PCDHA8: variants seen among roughly 807,000 people sequenced by gnomAD.
The protein encoded by PCDHA8 is protocadherin alpha-8.
PCDHA8 carries 53 observed loss-of-function variants against 61.8 expected under a neutral mutation model. That is an observed-to-expected ratio of 0.86 (90% CI 0.69 to 1.08). The LOEUF is 1.08. Ranked by LOEUF, PCDHA8 falls within the 50% of genes least tolerant of loss-of-function variation. PCDHA8 has a pLI of 0.00. For synonymous variants in PCDHA8, 618 were observed against 556.6 expected, an observed-to-expected ratio of 1.11 and a Z score of -1.55; for missense variants, 1,293 against 1,245.0, an observed-to-expected ratio of 1.04 and a Z score of -0.58.
intron 1 of PCDHA8, chr5:140,875,547 G>C (rs558501431): frequency 1.2e-6 from 2 of 1,614,152 alleles, no homozygotes; most frequent in Admixed American, 1.7e-5. Context: ...CAGCCTGGGA[G>C]GTGGGGAGCG....
At chr5:140,875,049 T>C (rs2055250146) in intron 1 of PCDHA8, among the ~76,000 whole-genome samples, 1 of 152,252 alleles carries the variant, frequency 6.6e-6, no homozygotes, top group Non-Finnish European at 1.5e-5. Context: ...ATTTCTACTT[T>C]GAAGCAGAAA....
intron 3 of PCDHA8, among the ~76,000 whole-genome samples, chr5:140,984,759 T>C (rs2097119018): frequency 6.6e-6 from 1 of 152,184 alleles, no homozygotes; most frequent in Non-Finnish European, 1.5e-5. Context: ...AGTTGAATTC[T>C]AATCCCAAGC....
At chr5:140,885,737 A>G (rs1347685899) in intron 1 of PCDHA8, among the ~76,000 whole-genome samples, 1 of 152,222 alleles carries the variant, frequency 6.6e-6, no homozygotes, top group South Asian at 2.1e-4. Context: ...ATGATATTTC[A>G]CTGTTACTTT....
rs551606343 is a variant in PCDHA8 at position 140,977,430 on chromosome 5, G to A, written c.2395-1519G>A. Among the ~76,000 whole-genome samples, 14 of 152,252 alleles carry A rather than the reference G, an allele frequency of 9.2e-5. No homozygotes were observed. The South Asian group carries it at 2.5e-3, about 27-fold the overall frequency. The stretch of plus-strand genomic sequence containing the variant: ...ATTTTCTTTTGTTCCCTCTAACACC[G>A]CTAGTAGATAATGGAAACTCCTTTG... On this transcript the variant is annotated intron_variant, in intron 1 of 3. Coordinates refer to ENST00000531613, the MANE Select transcript of PCDHA8 (RefSeq NM_018911.3).
intron 3 of PCDHA8, among the ~76,000 whole-genome samples, chr5:141,001,096 A>T (rs919555319): frequency 1.3e-5 from 2 of 152,130 alleles, no homozygotes; most frequent in Admixed American, 1.3e-4. Flanking sequence ...AAACTGTCTA[A>T]TCCATAATAA....
chr5:140,875,917 G>A, intron 1 of PCDHA8: 1 of 1,614,146 alleles, frequency 6.2e-7, no homozygotes, highest in Non-Finnish European at 8.5e-7. Flanking sequence ...TGCGCCTCTG[G>A]ACTCTCATTT....
intron 1 of PCDHA8, chr5:140,928,716 C>T (rs555492959): frequency 3.1e-6 from 5 of 1,614,178 alleles, no homozygotes; most frequent in East Asian, 4.5e-5. Flanking sequence ...ACTCTAGTCT[C>T]TTTAGAATTT....
In PCDHA8 at chr5:140,928,306, C is replaced by T. The variant is rs782598364; in HGVS notation, c.2395-50643C>T. 7.6e-5 allele frequency: 122 copies of T among 1,613,984 alleles called. No individual in the cohort carries two copies. The highest frequency in any genetic ancestry group is 1.8e-4 in the Admixed American group (11 of 60,002). ...TCTAGGCCGAGTGTTTGCCCAGGAC[C>T]CCGACCTGGGGAAGAATGGCCTTGT... is the stretch of plus-strand genomic sequence containing the variant. On this transcript the variant is annotated intron_variant, in intron 1 of 3. Coordinates refer to ENST00000531613, the MANE Select transcript of PCDHA8 (RefSeq NM_018911.3).
chr5:140,966,613 A>T, intron 1 of PCDHA8: 1 of 756,596 alleles, frequency 1.3e-6, no homozygotes, highest in Non-Finnish European at 1.9e-6. Flanking sequence ...GGGAGGGCCT[A>T]CGGAGGGAGC....
intron 1 of PCDHA8, chr5:140,969,405 C>T (rs781817372): frequency 6.3e-7 from 1 of 1,577,066 alleles, no homozygotes; most frequent in Non-Finnish European, 8.6e-7. Flanking sequence ...TGTGATTTGG[C>T]TTTATTGAGT....
At chr5:140,913,205 C>G (rs2076252546) in intron 1 of PCDHA8, among the ~76,000 whole-genome samples, 1 of 152,176 alleles carries the variant, frequency 6.6e-6, no homozygotes, top group South Asian at 2.1e-4. Context: ...GCAGTGAAGC[C>G]AATGGGTCCC....
At chr5:140,866,412 A>C (rs1308561363) in intron 1 of PCDHA8, 1 of 152,116 alleles carries the variant, frequency 6.6e-6, no homozygotes, top group Non-Finnish European at 1.5e-5. Context: ...AAAATCTTCA[A>C]ATGTGTGTAG....
chr5:140,857,032 T>C, intron 1 of PCDHA8: 2 of 1,595,838 alleles, frequency 1.3e-6, no homozygotes, highest in Non-Finnish European at 1.7e-6. Context: ...GAAACCCACC[T>C]ATGGTTGGTC....
intron 1 of PCDHA8, among the ~76,000 whole-genome samples, chr5:140,969,831 G>A (rs559083785): frequency 3.9e-4 from 60 of 152,296 alleles, no homozygotes; most frequent in African/African-American, 1.4e-3. Context: ...TGTCTACAGT[G>A]GAAATTATCT....
rs375261398 is a variant in PCDHA8 at position 140,910,786 on chromosome 5, A to G, written c.2394+67071A>G. On this transcript the variant is annotated intron_variant, in intron 1 of 3. Transcript: ENST00000531613. ...TAAACTCCCCAAGCTGCAACATTAA[A>G]TGCAGAATCCCTGCTTAGTGGGCCC... is the stretch of plus-strand genomic sequence containing the variant. 2.6e-3 allele frequency among the ~76,000 whole-genome samples: 391 copies of G among 152,326 alleles called. 2 individuals are homozygous for G. Among genetic ancestry groups the G allele is most frequent in the African/African-American group, 9.1e-3 (380 of 41,560 alleles).
intron 1 of PCDHA8, among the ~76,000 whole-genome samples, chr5:140,918,920 G>A (rs1470075085): frequency 6.6e-6 from 1 of 152,204 alleles, no homozygotes; most frequent in Non-Finnish European, 1.5e-5. Context: ...TAACTACACA[G>A]CATATGGCAT....
chr5:140,843,301 C>A lies in PCDHA8; in HGVS notation c.1980C>A (p.Thr660=), dbSNP rs138591837. 3.1e-6 allele frequency: 5 copies of A among 1,595,850 alleles called. No homozygotes were observed. Among genetic ancestry groups the A allele is most frequent in the Middle Eastern group, 1.7e-4 (1 of 6,020 alleles). The change falls in exon 1 of 4, where the codon ACC becomes ACA. Residue 660 remains threonine (T), a synonymous_variant. Coordinates refer to ENST00000531613, the MANE Select transcript of PCDHA8 (RefSeq NM_018911.3). ...AGGATCATGGTGAACCTGCGCTGAC[C>A]GCCACGGCCACGGTTCTGGTGTCGC... ...LVKDHGEPAL[T]ATATVLVSLV... is the part of the protein sequence containing the mutation.
chr5:140,994,379 G>A (rs2097618506), intron 3 of PCDHA8, among the ~76,000 whole-genome samples: 1 of 152,112 alleles, frequency 6.6e-6, no homozygotes. Flanking sequence ...AAATTCAGGG[G>A]ACTAAGTCAG....
chr5:140,938,828 G>A (rs570802606), intron 1 of PCDHA8, among the ~76,000 whole-genome samples: 84 of 152,072 alleles, frequency 5.5e-4, no homozygotes, highest in Admixed American at 1.4e-3. Context: ...ATGAGTTTGC[G>A]TTATAACAAA....
Sources: gnomAD v4.1 joint callset for allele counts (sites outside exome capture counted in the v4.1 genomes callset) on GRCh38, gnomAD v4.1.1 for gene constraint, MANE v1.5 for transcripts, NCBI Gene and HGNC (gene_info 2026-07-23, HGNC 2026-07-21) for gene names.